Variants in RTL4 observed in about 807,000 individuals in gnomAD.
The protein encoded by RTL4 is retrotransposon Gag like 4.
In RTL4, 4 loss-of-function variants were observed where a neutral mutation model predicts 5.3. The observed-to-expected ratio is 0.75, with a 90% CI of 0.37 to 1.72. The LOEUF (loss-of-function observed/expected upper bound fraction) is 1.72, where lower values mean the gene tolerates loss of function less well. Among genes scored for constraint, RTL4 ranks in the 40% most tolerant of loss-of-function variants. The pLI, the probability that RTL4 is intolerant of heterozygous loss-of-function variation, is 0.04. For synonymous variants in RTL4, 98 were observed against 87.3 expected (o/e 1.12, Z -0.68); for missense variants, 260 against 227.1 (o/e 1.14, Z -0.93).
the RTL4 span, among the ~76,000 whole-genome samples, chrX:112,354,926 A>G: frequency 9.0e-6 from 1 of 111,284 alleles, no homozygotes; most frequent in Non-Finnish European, 1.9e-5. Flanking sequence ...AACTACTACT[A>G]CTACCAGTAA....
chrX:112,128,659 C>CAAAAAAAAAAAAAAAAAAAAAAA, the RTL4 span, among the ~76,000 whole-genome samples: 2 of 41,126 alleles, frequency 4.9e-5, no homozygotes, highest in African/African-American at 6.1e-5. Flanking sequence ...CTCTGTCTCA[C>CAAAAAAAAAAAAAAAAAAAAAAA]AAAAAAAAAA....
the RTL4 span, among the ~76,000 whole-genome samples, chrX:112,244,620 C>A: frequency 9.0e-6 from 1 of 111,692 alleles, no homozygotes; most frequent in Non-Finnish European, 1.9e-5. Flanking sequence ...CTGAATATAG[C>A]ACACTGATGG....
At chrX:112,211,736 C>T in the RTL4 span, among the ~76,000 whole-genome samples, 1 of 112,127 alleles carries the variant, frequency 8.9e-6, no homozygotes, top group South Asian at 3.7e-4. Flanking sequence ...TCTTTGCTTC[C>T]CTCTCTCCCA....
the RTL4 span, among the ~76,000 whole-genome samples, chrX:112,339,762 A>C: frequency 8.9e-6 from 1 of 112,840 alleles, no homozygotes; most frequent in Non-Finnish European, 1.9e-5. Context: ...TAAAAATGGC[A>C]GTGATGTGCA....
the RTL4 span, among the ~76,000 whole-genome samples, chrX:112,169,040 CT>C: frequency 2.1e-4 from 5 of 23,332 alleles, no homozygotes; most frequent in African/African-American, 2.7e-4. Flanking sequence ...TTCTTTCTTT[CT>C]TTCTTTCTTT....
the RTL4 span, among the ~76,000 whole-genome samples, chrX:112,083,292 C>G: frequency 8.9e-6 from 1 of 112,767 alleles, no homozygotes; most frequent in East Asian, 2.8e-4. Context: ...TGAATATCCC[C>G]TGCTTTGGGC....
chrX:112,341,301 A>G, the RTL4 span, among the ~76,000 whole-genome samples: 1 of 112,035 alleles, frequency 8.9e-6, no homozygotes, highest in South Asian at 3.7e-4. Context: ...ACCAGGATCC[A>G]GTGGACATCT....
the RTL4 span, among the ~76,000 whole-genome samples, chrX:112,291,741 C>T: frequency 9.0e-6 from 1 of 110,606 alleles, no homozygotes; most frequent in Admixed American, 9.6e-5. Flanking sequence ...GGACTATAGG[C>T]GCCCGCCACC....
the RTL4 span, among the ~76,000 whole-genome samples, chrX:112,392,355 C>T: frequency 9.0e-6 from 1 of 111,322 alleles, no homozygotes; most frequent in Admixed American, 9.5e-5. Flanking sequence ...ATGCTGGGGG[C>T]CCACTCTTTT....
the RTL4 span, among the ~76,000 whole-genome samples, chrX:112,296,611 CTTT>C: frequency 4.5e-4 from 42 of 92,479 alleles, no homozygotes; most frequent in Admixed American, 2.8e-3. Context: ...TTCTTTTCTT[CTTT>C]TTTTTTTTTT....
chrX:112,330,308 A>G, the RTL4 span, among the ~76,000 whole-genome samples: 2 of 104,869 alleles, frequency 1.9e-5, no homozygotes, highest in African/African-American at 7.5e-5. Context: ...CAACTTCAGC[A>G]AAGTCTCAGG....
chrX:112,211,675 G>A, the RTL4 span, among the ~76,000 whole-genome samples: 2 of 111,881 alleles, frequency 1.8e-5, no homozygotes, highest in Non-Finnish European at 3.8e-5. Context: ...TAGTGGTTAA[G>A]AGCACAGGCT....
the RTL4 span, among the ~76,000 whole-genome samples, chrX:112,133,642 C>T: frequency 9.8e-5 from 11 of 111,841 alleles, no homozygotes; most frequent in Non-Finnish European, 2.1e-4. Context: ...GCTCTGGCTT[C>T]TCACACTTAA....
At chrX:112,409,742 G>A in the RTL4 span, among the ~76,000 whole-genome samples, 1 of 107,197 alleles carries the variant, frequency 9.3e-6, no homozygotes, top group Non-Finnish European at 1.9e-5. Flanking sequence ...AAAATTAAAA[G>A]CAATAAATTA....
At chrX:112,259,483 A>G in the RTL4 span, among the ~76,000 whole-genome samples, 42 of 110,762 alleles carry the variant, frequency 3.8e-4, no homozygotes, top group South Asian at 0.016. Flanking sequence ...AATCAAATAC[A>G]ATTAGGTTGG....
the RTL4 span, among the ~76,000 whole-genome samples, chrX:112,220,344 T>G: frequency 1.8e-5 from 2 of 112,743 alleles, no homozygotes; most frequent in South Asian, 7.3e-4. Context: ...CACTATTAAC[T>G]ACCCAAGTAA....
chrX:112,221,084 G>A, the RTL4 span, among the ~76,000 whole-genome samples: 1 of 112,176 alleles, frequency 8.9e-6, no homozygotes, highest in Non-Finnish European at 1.9e-5. Flanking sequence ...AATTTATACA[G>A]AAAAGAGGTT....
the RTL4 span, among the ~76,000 whole-genome samples, chrX:112,422,121 C>A: frequency 4.5e-5 from 5 of 112,038 alleles, no homozygotes; most frequent in African/African-American, 1.6e-4. Flanking sequence ...TTCATAATCT[C>A]TTTCTCTGAA....
At chrX:112,146,690 C>G in the RTL4 span, among the ~76,000 whole-genome samples, 3 of 109,207 alleles carry the variant, frequency 2.7e-5, no homozygotes, top group Admixed American at 3.0e-4. Flanking sequence ...ATTAATGAAT[C>G]AAGTGAATCC....
Sources: allele counts gnomAD v4.1 joint callset (sites outside exome capture counted in the v4.1 genomes callset), GRCh38; gene constraint gnomAD v4.1.1; transcripts MANE v1.5; gene names NCBI Gene and HGNC (gene_info 2026-07-23, HGNC 2026-07-21).